Variants in HS6ST1 observed in about 807,000 individuals in gnomAD.
HS6ST1 encodes the protein heparan sulfate 6-O-sulfotransferase 1.
HS6ST1 carries 3 observed loss-of-function variants against 25.2 expected under a neutral mutation model. The observed-to-expected ratio is 0.12, with a 90% confidence interval of 0.05 to 0.31. The LOEUF (loss-of-function observed/expected upper bound fraction) is 0.31. Among genes scored for constraint, HS6ST1 ranks in the 10% least tolerant of loss-of-function variants. The pLI is 1.00. For missense variants in HS6ST1, 310 were observed against 609.6 expected (o/e 0.51, Z 5.18); for synonymous variants, 204 against 275.1 (o/e 0.74, Z 2.56).
At chr2:128,294,284 C>A (rs1339748518) in intron 1 of HS6ST1, among the ~76,000 whole-genome samples, 1 of 152,160 alleles carries the variant, frequency 6.6e-6, no homozygotes, top group Non-Finnish European at 1.5e-5. Flanking sequence ...GACTCTACTG[C>A]ATCAGAGGGG....
chr2:128,315,876 G>A (rs1208783514), intron 1 of HS6ST1, among the ~76,000 whole-genome samples: 1 of 152,230 alleles, frequency 6.6e-6, no homozygotes, highest in Non-Finnish European at 1.5e-5. Flanking sequence ...AGGGAGTGGA[G>A]GCGGAGAAGA....
intron 1 of HS6ST1, among the ~76,000 whole-genome samples, chr2:128,313,956 G>GCC (rs1467217378): frequency 2.7e-5 from 4 of 147,624 alleles, no homozygotes; most frequent in African/African-American, 1.0e-4. Flanking sequence ...AAAAAAAAAA[G>GCC]GATTTTTTAT....
chr2:128,313,510 A>C (rs1259297293), intron 1 of HS6ST1, among the ~76,000 whole-genome samples: 1 of 152,154 alleles, frequency 6.6e-6, no homozygotes, highest in Admixed American at 6.5e-5. Flanking sequence ...TCTGCCTCAT[A>C]CTTTCCTCCC....
intron 1 of HS6ST1, among the ~76,000 whole-genome samples, chr2:128,272,806 A>G (rs943463112): frequency 6.6e-6 from 1 of 152,176 alleles, no homozygotes; most frequent in African/African-American, 2.4e-5. Context: ...CTGAAGACAG[A>G]CACTCATTTG....
chr2:128,279,567 G>A (rs1693747929), intron 1 of HS6ST1, among the ~76,000 whole-genome samples: 2 of 151,982 alleles, frequency 1.3e-5, no homozygotes, highest in South Asian at 4.2e-4. Flanking sequence ...AGGGACCAGG[G>A]GTCCCACCAT....
At chr2:128,279,094 C>T (rs1010983257) in intron 1 of HS6ST1, among the ~76,000 whole-genome samples, 30 of 152,098 alleles carry the variant, frequency 2.0e-4, no homozygotes, top group Non-Finnish European at 3.4e-4. Flanking sequence ...GGGCCGGCCG[C>T]ACCAGTCCTG....
At chr2:128,316,848 G>A (rs762081139) in intron 1 of HS6ST1, among the ~76,000 whole-genome samples, 5 of 152,192 alleles carry the variant, frequency 3.3e-5, no homozygotes, top group Non-Finnish European at 4.4e-5. Flanking sequence ...GCAGTGTCTC[G>A]GACTCTGCTC....
At chr2:128,315,245 G>C (rs7574509) in intron 1 of HS6ST1, among the ~76,000 whole-genome samples, 4,522 of 152,308 alleles carry the variant, frequency 0.03, 237 homozygotes, top group African/African-American at 0.1. Context: ...ACAGCCACTA[G>C]AAGTTCCAAA....
At chr2:128,269,935 A>G (rs1693587427) in intron 1 of HS6ST1, among the ~76,000 whole-genome samples, 3 of 152,156 alleles carry the variant, frequency 2.0e-5, no homozygotes, top group Admixed American at 2.0e-4. Flanking sequence ...CCCGGGGAGC[A>G]CAAAGCGCTT....
intron 1 of HS6ST1, among the ~76,000 whole-genome samples, chr2:128,305,929 T>C (rs1476958116): frequency 6.6e-6 from 1 of 152,144 alleles, no homozygotes; most frequent in Non-Finnish European, 1.5e-5. Context: ...GTGGCGGACA[T>C]GAGCCACACG....
chr2:128,271,032 A>G (rs1455980936), intron 1 of HS6ST1, among the ~76,000 whole-genome samples: 1 of 152,210 alleles, frequency 6.6e-6, no homozygotes, highest in African/African-American at 2.4e-5. Context: ...CATCCCCTGA[A>G]GCCCAAGGCA....
intron 1 of HS6ST1, among the ~76,000 whole-genome samples, chr2:128,285,332 T>G (rs1164188023): frequency 6.6e-6 from 1 of 152,006 alleles, no homozygotes; most frequent in Non-Finnish European, 1.5e-5. Flanking sequence ...CGCACCCCAC[T>G]CCCTACGTGG....
At chr2:128,301,642 G>A (rs770014829) in intron 1 of HS6ST1, among the ~76,000 whole-genome samples, 5 of 152,216 alleles carry the variant, frequency 3.3e-5, no homozygotes, top group Non-Finnish European at 7.3e-5. Flanking sequence ...AGCTACTGCT[G>A]GGGATGTGTG....
chr2:128,294,350 G>A (rs1377625449), intron 1 of HS6ST1, among the ~76,000 whole-genome samples: 1 of 152,200 alleles, frequency 6.6e-6, no homozygotes, highest in African/African-American at 2.4e-5. Flanking sequence ...ATGAAGTGCC[G>A]CAGTCCCCGA....
intron 1 of HS6ST1, among the ~76,000 whole-genome samples, chr2:128,295,796 C>T (rs1694032543): frequency 6.6e-6 from 1 of 152,176 alleles, no homozygotes; most frequent in Non-Finnish European, 1.5e-5. Flanking sequence ...GCAGAAACAT[C>T]ATTTGACAAA....
intron 1 of HS6ST1, among the ~76,000 whole-genome samples, chr2:128,317,737 A>C (rs907016805): frequency 1.7e-4 from 26 of 152,218 alleles, no homozygotes; most frequent in African/African-American, 5.5e-4. Context: ...AGGTGGCCCG[A>C]GGGCAGCGGG....
intron 1 of HS6ST1, among the ~76,000 whole-genome samples, chr2:128,274,795 T>C (rs1402229651): frequency 1.3e-5 from 2 of 151,806 alleles, no homozygotes; most frequent in African/African-American, 4.8e-5. Context: ...TGGCCAATGG[T>C]GGCAAAACCC....
intron 1 of HS6ST1, among the ~76,000 whole-genome samples, chr2:128,312,164 C>T (rs544098736): frequency 6.6e-6 from 1 of 152,218 alleles, no homozygotes; most frequent in Non-Finnish European, 1.5e-5. Context: ...CGGCAATCGC[C>T]CCCACCTGCA....
chr2:128,298,063 C>A, intron 1 of HS6ST1, among the ~76,000 whole-genome samples: 1 of 125,138 alleles, frequency 8.0e-6, no homozygotes, highest in Non-Finnish European at 1.8e-5. Flanking sequence ...GGCCAACAAG[C>A]AGATATAAGA....
Sources: allele counts gnomAD v4.1 joint callset (sites outside exome capture counted in the v4.1 genomes callset), GRCh38; gene constraint gnomAD v4.1.1; transcripts MANE v1.5; gene names NCBI Gene and HGNC (gene_info 2026-07-23, HGNC 2026-07-21).